TNKS: variants seen among roughly 807,000 people sequenced by gnomAD.
TNKS encodes tankyrase, also known as poly [ADP-ribose] polymerase tankyrase-1.
TNKS carries 72 observed loss-of-function variants against 135.8 expected under a neutral mutation model. That is an observed-to-expected ratio of 0.53 (90% CI 0.44 to 0.64). The LOEUF (loss-of-function observed/expected upper bound fraction) is 0.64, where lower values mean the gene tolerates loss of function less well. TNKS is among the 30% of genes least tolerant of loss of function. The pLI is 0.00. For synonymous variants in TNKS, 849 were observed against 649.3 expected (o/e 1.31, Z -4.68); for missense variants, 1,769 against 1,674.0 (o/e 1.06, Z -0.99).
chr8:9,735,322 G>A (rs1805641125), intron 16 of TNKS, 55 bp from the exon 17 acceptor site: 2 of 1,479,786 alleles, frequency 1.4e-6, no homozygotes, highest in South Asian at 1.1e-5. Flanking sequence ...ACATATGTAT[G>A]TATTTTTTTT....
intron 1 of TNKS, among the ~76,000 whole-genome samples, chr8:9,569,800 C>G (rs1163443143): frequency 1.3e-5 from 2 of 151,920 alleles, no homozygotes; most frequent in Non-Finnish European, 1.5e-5. Flanking sequence ...TTTTCTTTTG[C>G]CTTTTGGTGT....
Position 9,718,944 on chromosome 8 carries a change from T to A in TNKS, c.1750-1430T>A, listed in dbSNP as rs566594656. Among the ~76,000 whole-genome samples the A allele has an allele frequency of 1.9e-4, 29 of 152,282 alleles. No individual in the cohort carries two copies. The South Asian group carries it at 5.2e-3, about 27-fold the overall frequency. ...GTTCCCATTACTATAATAGAATAAGTTAGTATGTTTCTTACCCAGTTTCCA... is the reference window on the plus strand; with the variant it reads ...GTTCCCATTACTATAATAGAATAAGATAGTATGTTTCTTACCCAGTTTCCA... On this transcript the variant is annotated intron_variant, in intron 11 of 26. Transcript: ENST00000310430.
chr8:9,650,403 C>T (rs968142747), intron 3 of TNKS, among the ~76,000 whole-genome samples: 1 of 152,136 alleles, frequency 6.6e-6, no homozygotes, highest in African/African-American at 2.4e-5. Flanking sequence ...CACTTTCTTC[C>T]GTAGTGGTTT....
intron 3 of TNKS, among the ~76,000 whole-genome samples, chr8:9,623,249 C>G (rs1799931492): frequency 6.6e-6 from 1 of 152,118 alleles, no homozygotes; most frequent in South Asian, 2.1e-4. Context: ...CAACTAGACT[C>G]TGTATGGAAA....
chr8:9,590,351 A>AGTTG (rs1798545424), intron 2 of TNKS, among the ~76,000 whole-genome samples: 1 of 152,146 alleles, frequency 6.6e-6, no homozygotes, highest in African/African-American at 2.4e-5. Flanking sequence ...ATGTTAATTC[A>AGTTG]TCTGAGTTGT....
chr8:9,672,704 A>ACC (rs1802346397), intron 3 of TNKS, among the ~76,000 whole-genome samples: 1 of 125,478 alleles, frequency 8.0e-6, no homozygotes, highest in Non-Finnish European at 1.7e-5. Context: ...ACACACACAC[A>ACC]CACACACAAA....
chr8:9,681,872 AT>A (rs1212692124), intron 5 of TNKS, among the ~76,000 whole-genome samples: 1 of 152,022 alleles, frequency 6.6e-6, no homozygotes, highest in Non-Finnish European at 1.5e-5. Context: ...ATTTACGTTC[AT>A]TTGTTTTTGT....
chr8:9,659,721 G>C (rs1801601807), intron 3 of TNKS, among the ~76,000 whole-genome samples: 2 of 152,104 alleles, frequency 1.3e-5, no homozygotes, highest in Admixed American at 1.3e-4. Flanking sequence ...CAGAAGGCAA[G>C]AAATAAGTAA....
intron 20 of TNKS, among the ~76,000 whole-genome samples, chr8:9,757,754 C>G (rs1806920487): frequency 6.6e-6 from 1 of 152,140 alleles, no homozygotes; most frequent in South Asian, 2.1e-4. Context: ...TTATTTGGAC[C>G]AACTATGTAA....
chr8:9,638,856 C>A (rs34638238), intron 3 of TNKS, among the ~76,000 whole-genome samples: 37 of 152,042 alleles, frequency 2.4e-4, no homozygotes, highest in African/African-American at 7.7e-4. Flanking sequence ...TACAGGAGAA[C>A]TGAGTGTATA....
At chr8:9,571,882 C>G (rs775893333) in intron 1 of TNKS, among the ~76,000 whole-genome samples, 2 of 152,170 alleles carry the variant, frequency 1.3e-5, no homozygotes, top group African/African-American at 2.4e-5. Flanking sequence ...GTGCCTTACT[C>G]TCTTTGGAAC....
chr8:9,698,374 GA>G lies in TNKS; in HGVS notation c.1108-6272del, dbSNP rs34311181. On this transcript the variant is annotated intron_variant, in intron 5 of 26. Coordinates refer to ENST00000310430, the MANE Select transcript of TNKS (RefSeq NM_003747.3). Reference sequence around the variant, plus strand: ...GTATCTAAAAGTTAAATTTTAAAATGAAAAAAAAAAAAAAAAAGCTTAAGTA... The same window carrying G: ...GTATCTAAAAGTTAAATTTTAAAATGAAAAAAAAAAAAAAAAGCTTAAGTA... 2.7e-3 allele frequency among the ~76,000 whole-genome samples: 266 copies of G among 98,752 alleles called. 5 individuals are homozygous for G. Among genetic ancestry groups the G allele is most frequent in the South Asian group, 5.4e-3 (14 of 2,596 alleles). 64.8% of individuals were successfully genotyped at this position (98,752 alleles called of 152,430 possible).
chr8:9,598,006 CTTT>C (rs1287298035), intron 2 of TNKS, among the ~76,000 whole-genome samples: 9 of 152,044 alleles, frequency 5.9e-5, no homozygotes, highest in Non-Finnish European at 1.2e-4. Flanking sequence ...AATGAGAATT[CTTT>C]AAGTTATATT....
chr8:9,647,210 A>G (rs1013200165), intron 3 of TNKS, among the ~76,000 whole-genome samples: 2 of 152,212 alleles, frequency 1.3e-5, no homozygotes, highest in African/African-American at 4.8e-5. Context: ...AGTCTAGACA[A>G]TACTTACCTT....
intron 26 of TNKS, among the ~76,000 whole-genome samples, chr8:9,772,866 G>T (rs76444604): frequency 7.1e-6 from 1 of 141,232 alleles, no homozygotes; most frequent in Non-Finnish European, 1.5e-5. Context: ...TGTGTAGTGC[G>T]TATGTGTGGG....
chr8:9,661,371 G>A (rs756990295), intron 3 of TNKS, among the ~76,000 whole-genome samples: 27 of 152,242 alleles, frequency 1.8e-4, no homozygotes, highest in Middle Eastern at 3.4e-3. Context: ...GCATGGTACT[G>A]GTACCAAAAC....
chr8:9,630,422 T>C (rs1038261106), intron 3 of TNKS, among the ~76,000 whole-genome samples: 7 of 152,222 alleles, frequency 4.6e-5, no homozygotes, highest in African/African-American at 1.4e-4. Flanking sequence ...GGACCTTTGA[T>C]AAGTTGTCTT....
chr8:9,573,294 G>A (rs1797829812), intron 1 of TNKS, among the ~76,000 whole-genome samples: 1 of 152,336 alleles, frequency 6.6e-6, no homozygotes, highest in South Asian at 2.1e-4. Context: ...TTCCAGGGCT[G>A]CCACATGGTC....
intron 20 of TNKS, among the ~76,000 whole-genome samples, chr8:9,760,347 G>C (rs1474523112): frequency 1.3e-5 from 2 of 152,140 alleles, no homozygotes; most frequent in Non-Finnish European, 2.9e-5. Context: ...AAGCAATATA[G>C]AAAATTATTT....
Sources: allele counts gnomAD v4.1 joint callset (sites outside exome capture counted in the v4.1 genomes callset), GRCh38; gene constraint gnomAD v4.1.1; transcripts MANE v1.5; gene names NCBI Gene and HGNC (gene_info 2026-07-23, HGNC 2026-07-21).